The following PDE4D variants were observed in gnomAD, a reference collection of about 807,000 sequenced individuals.
PDE4D encodes the protein 3',5'-cyclic-AMP phosphodiesterase 4D.
PDE4D carries 24 observed loss-of-function variants against 87.4 expected under a neutral mutation model. That is an observed-to-expected ratio of 0.27 (90% CI 0.20 to 0.39). PDE4D has a LOEUF of 0.39. Ranked by LOEUF, PDE4D falls within the 10% of genes least tolerant of loss-of-function variation. The pLI is 1.00. For missense variants in PDE4D, 714 were observed against 1,041.0 expected (o/e 0.69, Z 4.32); for synonymous variants, 384 against 383.2 (o/e 1.00, Z -0.02).
intron 1 of PDE4D, among the ~76,000 whole-genome samples, chr5:60,469,170 C>T (rs1170699571): frequency 6.6e-6 from 1 of 152,178 alleles, no homozygotes. Flanking sequence ...ACTATGGTCA[C>T]TAAGAAACCC....
intron 1 of PDE4D, among the ~76,000 whole-genome samples, chr5:59,317,651 T>C (rs532563683): frequency 2.0e-5 from 3 of 152,260 alleles, no homozygotes; most frequent in African/African-American, 7.2e-5. Context: ...AGAACCTGAC[T>C]TGCCAGGCAC....
At chr5:59,454,662 T>C (rs1432704254) in intron 1 of PDE4D, among the ~76,000 whole-genome samples, 2 of 152,146 alleles carry the variant, frequency 1.3e-5, no homozygotes, top group African/African-American at 4.8e-5. Flanking sequence ...ACTTTGGAAC[T>C]GGATAACAGG....
At chr5:59,181,541 CTG>C (rs1371003046) in intron 4 of PDE4D, among the ~76,000 whole-genome samples, 907 of 60,266 alleles carry the variant, frequency 0.015, 34 homozygotes, top group Middle Eastern at 0.049. Context: ...TCAAAGATGT[CTG>C]ATATATATAT....
At position 59,979,421 on chromosome 5, in the gene PDE4D, G is replaced by GGTGTGTGTGTGTGTGTGTGTGTGT. The variant is rs60199601; in HGVS notation, c.272+9066_272+9067insACACACACACACACACACACACAC. On this transcript the variant is annotated intron_variant, in intron 3 of 16. Coordinates refer to the PDE4D transcript ENST00000502484. ...TATATCTAGCTTTCACACAGCAAGG[G>GGTGTGTGTGTGTGTGTGTGTGTGT]GTGTGTGTGTGTGTGTGTGTGTTTA... is the stretch of plus-strand genomic sequence containing the variant. Among the ~76,000 whole-genome samples, 19 of 147,718 alleles carry GGTGTGTGTGTGTGTGTGTGTGTGT rather than the reference G, an allele frequency of 1.3e-4. No homozygotes were observed. The East Asian group carries it at 3.0e-3, about 23-fold the overall frequency.
chr5:59,207,382 T>C (rs1749029296), intron 2 of PDE4D, among the ~76,000 whole-genome samples: 1 of 151,982 alleles, frequency 6.6e-6, no homozygotes, highest in Non-Finnish European at 1.5e-5. Context: ...CATTTGCCTC[T>C]TGGAATTTCA....
At chr5:60,483,583 AT>A (rs766016196) in intron 1 of PDE4D, among the ~76,000 whole-genome samples, 44 of 152,126 alleles carry the variant, frequency 2.9e-4, no homozygotes, top group Non-Finnish European at 5.0e-4. Context: ...GAATAAATAA[AT>A]TCCTATTGAG....
intron 1 of PDE4D, among the ~76,000 whole-genome samples, chr5:59,237,267 CT>C (rs1429520587): frequency 1.3e-5 from 2 of 152,160 alleles, no homozygotes; most frequent in African/African-American, 4.8e-5. Context: ...CATTTCTCCC[CT>C]TATCAACTAC....
intron 2 of PDE4D, among the ~76,000 whole-genome samples, chr5:60,040,240 C>T (rs1278338373): frequency 6.6e-6 from 1 of 152,124 alleles, no homozygotes; most frequent in Admixed American, 6.5e-5. Context: ...AAAGCAAAGC[C>T]TCTTTTTTGG....
rs1742391247 is a variant in PDE4D at position 58,970,296 on chromosome 5, T to C, written c.*4368A>G. ...GTTTTTGTAATTATAGTGTCCCCTT[T>C]GTACTGTTTAAAACAAAAGTAATCA... On this transcript the variant is annotated 3_prime_UTR_variant, in exon 15 of 15. Transcript: ENST00000340635. 1 of 152,158 alleles carries C rather than the reference T, an allele frequency of 6.6e-6. No individual in the cohort carries two copies. Among genetic ancestry groups the C allele is most frequent in the East Asian group, 1.9e-4 (1 of 5,194 alleles). 9.4% of individuals were successfully genotyped at this position (152,158 alleles called of 1,614,324 possible).
chr5:59,736,305 G>A (rs1395859435), intron 1 of PDE4D, among the ~76,000 whole-genome samples: 6 of 152,044 alleles, frequency 3.9e-5, no homozygotes, highest in Admixed American at 1.3e-4. Flanking sequence ...AACATGTTAA[G>A]AAAATTATGA....
chr5:59,857,003 T>A (rs546783225), intron 1 of PDE4D, among the ~76,000 whole-genome samples: 63 of 152,280 alleles, frequency 4.1e-4, no homozygotes, highest in Non-Finnish European at 8.5e-4. Context: ...AACTTCAGCA[T>A]TGATTATGTC....
At chr5:59,631,796 G>T (rs187726022) in intron 1 of PDE4D, among the ~76,000 whole-genome samples, 2 of 152,300 alleles carry the variant, frequency 1.3e-5, no homozygotes, top group Admixed American at 6.5e-5. Flanking sequence ...AAGGGCTCTG[G>T]GTTTCAAGCA....
chr5:59,759,653 G>T (rs561342410), intron 1 of PDE4D, among the ~76,000 whole-genome samples: 1 of 152,190 alleles, frequency 6.6e-6, no homozygotes, highest in Admixed American at 6.5e-5. Flanking sequence ...AACTTGCAGC[G>T]CCTCCACCTC....
intron 2 of PDE4D, among the ~76,000 whole-genome samples, chr5:59,196,159 T>C (rs1745417930): frequency 6.6e-6 from 1 of 152,214 alleles, no homozygotes; most frequent in Non-Finnish European, 1.5e-5. Flanking sequence ...ACAGCAAGTG[T>C]ATTTTATATA....
At chr5:59,712,068 C>G (rs1185233810) in intron 1 of PDE4D, among the ~76,000 whole-genome samples, 2 of 152,072 alleles carry the variant, frequency 1.3e-5, no homozygotes, top group Non-Finnish European at 2.9e-5. Flanking sequence ...GATGCATGGA[C>G]CTGCTTTGAC....
At chr5:59,721,838 T>A (rs1426864174) in intron 1 of PDE4D, among the ~76,000 whole-genome samples, 2 of 152,180 alleles carry the variant, frequency 1.3e-5, no homozygotes, top group African/African-American at 4.8e-5. Flanking sequence ...CATCATTGAC[T>A]CCTACCTATG....
At chr5:59,977,073 A>C (rs950135915) in intron 3 of PDE4D, among the ~76,000 whole-genome samples, 1 of 152,220 alleles carries the variant, frequency 6.6e-6, no homozygotes, top group East Asian at 1.9e-4. Flanking sequence ...ACAATGGCCT[A>C]TAAGTGTTCA....
intron 1 of PDE4D, among the ~76,000 whole-genome samples, chr5:59,452,518 G>A (rs1237764606): frequency 6.6e-6 from 1 of 152,140 alleles, no homozygotes; most frequent in Non-Finnish European, 1.5e-5. Flanking sequence ...AAGGATTAGG[G>A]TCACCTAGCT....
intron 5 of PDE4D, chr5:59,157,473 G>A (rs1050131619): frequency 1.6e-6 from 1 of 640,936 alleles, no homozygotes; most frequent in South Asian, 1.8e-5. Flanking sequence ...TTACGACTAA[G>A]TTTCCAATCA....
Sources: allele counts gnomAD v4.1 joint callset (sites outside exome capture counted in the v4.1 genomes callset), GRCh38; gene constraint gnomAD v4.1.1; transcripts MANE v1.5; gene names NCBI Gene and HGNC (gene_info 2026-07-23, HGNC 2026-07-21).